The following PDGFC variants were observed in gnomAD, a reference collection of about 807,000 sequenced individuals.
The protein encoded by PDGFC is platelet derived growth factor C, also known as platelet-derived growth factor C.
A neutral mutation model predicts 35.5 loss-of-function variants in PDGFC; 12 were observed. The ratio of observed to expected loss-of-function variants is 0.34; its 90% CI spans 0.22 to 0.55. The LOEUF is 0.55. Among genes scored for constraint, PDGFC ranks in the 20% least tolerant of loss-of-function variants. The probability of loss-of-function intolerance (pLI) is 0.91; values close to 1 mark genes in which losing one functional copy is unlikely to be tolerated. For missense variants in PDGFC, 322 were observed against 412.4 expected (o/e 0.78, Z 1.90); for synonymous variants, 159 against 148.8 (o/e 1.07, Z -0.50).
At chr4:156,951,508 T>G (rs939905301) in intron 1 of PDGFC, among the ~76,000 whole-genome samples, 1 of 151,870 alleles carries the variant, frequency 6.6e-6, no homozygotes. Flanking sequence ...CCTTTGAGAC[T>G]GACGCATGGG....
At chr4:156,902,217 T>C (rs942168710) in intron 1 of PDGFC, among the ~76,000 whole-genome samples, 10 of 152,238 alleles carry the variant, frequency 6.6e-5, no homozygotes, top group African/African-American at 2.4e-4. Context: ...ATAAAATATA[T>C]TTGTGATTTT....
At chr4:156,960,585 C>T (rs1010443319) in intron 1 of PDGFC, among the ~76,000 whole-genome samples, 13 of 151,922 alleles carry the variant, frequency 8.6e-5, no homozygotes, top group African/African-American at 3.1e-4. Flanking sequence ...AGAGATGTCA[C>T]TGCCTATTGA....
At chr4:156,785,196 G>A (rs938707477) in intron 3 of PDGFC, among the ~76,000 whole-genome samples, 2 of 152,102 alleles carry the variant, frequency 1.3e-5, no homozygotes, top group African/African-American at 4.8e-5. Flanking sequence ...AGATCTTACT[G>A]TTCTGAATTT....
At chr4:156,873,704 T>C (rs1169110109) in intron 1 of PDGFC, among the ~76,000 whole-genome samples, 1 of 152,182 alleles carries the variant, frequency 6.6e-6, no homozygotes, top group Non-Finnish European at 1.5e-5. Context: ...GGCTCGAAGG[T>C]CCATGAACAT....
chr4:156,787,957 A>G (rs1731174598), intron 3 of PDGFC, among the ~76,000 whole-genome samples: 1 of 152,154 alleles, frequency 6.6e-6, no homozygotes, highest in African/African-American at 2.4e-5. Context: ...AGTCTAGGAG[A>G]GGAGTAGAGA....
Position 156,888,278 on chromosome 4 carries a change from GAAC to G in PDGFC, c.119-37865_119-37863del, listed in dbSNP as rs1417405728. Among the ~76,000 whole-genome samples the G allele has an allele frequency of 2.0e-5, 3 of 152,004 alleles. No individual in the cohort carries two copies. The East Asian group carries it at 5.8e-4, about 29-fold the overall frequency. ...CATCATACTCACCCTGGTATTTAGA[GAAC>G]AATATAAATAAAAACAAAACTTCAT... On this transcript the variant is annotated intron_variant, in intron 1 of 5. Transcript: ENST00000502773.
At chr4:156,899,607 G>A (rs1394583870) in intron 1 of PDGFC, among the ~76,000 whole-genome samples, 2 of 152,146 alleles carry the variant, frequency 1.3e-5, no homozygotes, top group Non-Finnish European at 2.9e-5. Flanking sequence ...TTGAGGTCAG[G>A]AGTTTGAGAC....
At chr4:156,829,620 A>G (rs1228915899) in intron 2 of PDGFC, among the ~76,000 whole-genome samples, 1 of 152,066 alleles carries the variant, frequency 6.6e-6, no homozygotes, top group Non-Finnish European at 1.5e-5. Context: ...ATATCCTTTG[A>G]TAGTCTCTTG....
chr4:156,801,496 A>G (rs10023148), intron 3 of PDGFC, among the ~76,000 whole-genome samples: 20,956 of 152,082 alleles, frequency 0.14, 2,076 homozygotes, highest in African/African-American at 0.27. Context: ...AGTAAACACA[A>G]TATTAGGATA....
intron 1 of PDGFC, among the ~76,000 whole-genome samples, chr4:156,884,027 T>G (rs745310427): frequency 5.9e-5 from 9 of 152,184 alleles, no homozygotes; most frequent in Non-Finnish European, 1.3e-4. Context: ...ACTCTTGATT[T>G]TTAGTACAAG....
At chr4:156,879,414 A>G (rs1730190326) in intron 1 of PDGFC, among the ~76,000 whole-genome samples, 1 of 152,202 alleles carries the variant, frequency 6.6e-6, no homozygotes, top group East Asian at 1.9e-4. Context: ...ATAGATTTCA[A>G]TTCCTGTTGC....
chr4:156,844,608 C>T (rs1729281178), intron 2 of PDGFC, among the ~76,000 whole-genome samples: 1 of 151,058 alleles, frequency 6.6e-6, no homozygotes, highest in East Asian at 1.9e-4. Flanking sequence ...CAAACAAGGA[C>T]ATAAGAAAGT....
At chr4:156,781,693 T>C (rs186525708) in intron 3 of PDGFC, among the ~76,000 whole-genome samples, 5 of 152,064 alleles carry the variant, frequency 3.3e-5, no homozygotes, top group African/African-American at 1.2e-4. Context: ...GAGGCATACC[T>C]ACCAGCCATA....
At chr4:156,897,113 G>A (rs1039636087) in intron 1 of PDGFC, among the ~76,000 whole-genome samples, 10 of 152,122 alleles carry the variant, frequency 6.6e-5, no homozygotes, top group African/African-American at 2.4e-4. Flanking sequence ...GGAAGTAGGA[G>A]AGAAAACTTA....
intron 3 of PDGFC, among the ~76,000 whole-genome samples, chr4:156,783,237 G>A (rs1378455733): frequency 6.6e-6 from 1 of 152,150 alleles, no homozygotes; most frequent in Non-Finnish European, 1.5e-5. Context: ...CTGCAGGAAT[G>A]AATTGGGGTC....
intron 1 of PDGFC, among the ~76,000 whole-genome samples, chr4:156,902,647 T>C (rs891613918): frequency 6.6e-6 from 1 of 152,190 alleles, no homozygotes; most frequent in South Asian, 2.1e-4. Context: ...CATTACTGAA[T>C]AGTATTTTGT....
At chr4:156,835,602 T>A (rs548755593) in intron 2 of PDGFC, among the ~76,000 whole-genome samples, 2 of 152,106 alleles carry the variant, frequency 1.3e-5, no homozygotes, top group African/African-American at 2.4e-5. Flanking sequence ...AATAACCCAA[T>A]CTCACTATAT....
At chr4:156,781,767 C>A (rs1165144709) in intron 3 of PDGFC, among the ~76,000 whole-genome samples, 1 of 152,078 alleles carries the variant, frequency 6.6e-6, no homozygotes. Context: ...TCTGTAGGAA[C>A]AGGTATTCAA....
At chr4:156,920,136 C>T (rs1731238907) in intron 1 of PDGFC, among the ~76,000 whole-genome samples, 1 of 152,188 alleles carries the variant, frequency 6.6e-6, no homozygotes, top group South Asian at 2.1e-4. Flanking sequence ...TGAGCAGATA[C>T]CAGCACCATG....
Sources: gnomAD v4.1 joint callset for allele counts (sites outside exome capture counted in the v4.1 genomes callset) on GRCh38, gnomAD v4.1.1 for gene constraint, MANE v1.5 for transcripts, NCBI Gene and HGNC (gene_info 2026-07-23, HGNC 2026-07-21) for gene names.